DCAF1: variants seen among roughly 807,000 people sequenced by gnomAD.
DCAF1 encodes the protein DDB1 and CUL4 associated factor 1.
A neutral mutation model predicts 128.0 loss-of-function variants in DCAF1; 15 were observed. The ratio of observed to expected loss-of-function variants is 0.12; its 90% CI spans 0.08 to 0.18. The LOEUF (loss-of-function observed/expected upper bound fraction) is 0.18. Among genes scored for constraint, DCAF1 ranks in the 10% least tolerant of loss-of-function variants. The probability of loss-of-function intolerance (pLI) is 1.00; values close to 1 mark genes in which losing one functional copy is unlikely to be tolerated. For synonymous variants in DCAF1, 610 were observed against 603.0 expected (o/e 1.01, Z -0.17); for missense variants, 988 against 1,649.5 (o/e 0.60, Z 6.95).
At chr3:51,496,383 C>T (rs1223410861) in intron 2 of DCAF1, among the ~76,000 whole-genome samples, 1 of 152,046 alleles carries the variant, frequency 6.6e-6, no homozygotes, top group Non-Finnish European at 1.5e-5. Context: ...GCCGAGATCG[C>T]GCCACTGCAC....
intron 9 of DCAF1, among the ~76,000 whole-genome samples, chr3:51,435,188 G>A (rs955162189): frequency 2.6e-4 from 40 of 152,228 alleles, no homozygotes; most frequent in African/African-American, 8.7e-4. Context: ...TAAACTGTGT[G>A]ACACCCATTA....
intron 2 of DCAF1, 132 bp from the exon 3 acceptor site, chr3:51,483,968 CTTTGGATTTA>C: frequency 3.1e-6 from 2 of 644,182 alleles, no homozygotes. Flanking sequence ...CCCTTGAACC[CTTTGGATTTA>C]TTTGTGGTAC....
chr3:51,503,704 A>C (rs571048440), upstream of DCAF1, among the ~76,000 whole-genome samples: 1 of 151,642 alleles, frequency 6.6e-6, no homozygotes, highest in African/African-American at 2.4e-5. Flanking sequence ...TGGGTACCCT[A>C]CTCCTGCCTG....
chr3:51,398,942 T>G (rs1001342067), intron 24 of DCAF1, 115 bp from the exon 25 acceptor site: 5 of 1,329,506 alleles, frequency 3.8e-6, no homozygotes, highest in Non-Finnish European at 5.2e-6. Flanking sequence ...ACTACCAGTT[T>G]CCAGAAAGAA....
chr3:51,410,305 CT>C (rs782697247), intron 23 of DCAF1, among the ~76,000 whole-genome samples: 24 of 152,188 alleles, frequency 1.6e-4, no homozygotes, highest in Non-Finnish European at 2.8e-4. Flanking sequence ...AAAATGCATG[CT>C]TAGACAGTCA....
At chr3:51,449,927 T>A (rs571086619) in intron 6 of DCAF1, among the ~76,000 whole-genome samples, 1 of 152,118 alleles carries the variant, frequency 6.6e-6, no homozygotes, top group South Asian at 2.1e-4. Context: ...AACTGACTCA[T>A]AAAGAAACAG....
intron 23 of DCAF1, among the ~76,000 whole-genome samples, chr3:51,409,538 T>G (rs1482930805): frequency 8.5e-5 from 13 of 152,184 alleles, no homozygotes; most frequent in Admixed American, 8.5e-4. Flanking sequence ...CAATCCAGTT[T>G]TGGCCTCAGA....
At chr3:51,395,923 G>A, downstream of DCAF1, 1 of 413,494 alleles carries the variant, frequency 2.4e-6, no homozygotes, top group Non-Finnish European at 4.4e-6. Flanking sequence ...TTGAGCTGTG[G>A]TCACAGCTGC....
chr3:51,457,519 T>C (rs1553643194), intron 6 of DCAF1, among the ~76,000 whole-genome samples: 1 of 152,084 alleles, frequency 6.6e-6, no homozygotes, highest in Non-Finnish European at 1.5e-5. Flanking sequence ...ACTTCCCCAA[T>C]CTAGCAAGGC....
At chr3:51,413,215 TGAAG>T in intron 21 of DCAF1, 63 bp downstream of exon 21, 1 of 1,558,072 alleles carries the variant, frequency 6.4e-7, no homozygotes, top group Non-Finnish European at 8.7e-7. Context: ...CTCCAGAAAA[TGAAG>T]GATCTTAAAT....
chr3:51,420,291 A>C lies in DCAF1; in HGVS notation c.2679T>G (p.Ala893=). The C allele has an allele frequency of 6.2e-7, 1 of 1,614,054 alleles. No homozygotes were observed. Among genetic ancestry groups the C allele is most frequent in the South Asian group, 1.1e-5 (1 of 91,086 alleles). Reference sequence around the variant, plus strand: ...TTCGGGGTAGAGAGACAGGAGAAGCAGCAGCAGTGACTGGGGTAAAGGCAG... The same window carrying C: ...TTCGGGGTAGAGAGACAGGAGAAGCCGCAGCAGTGACTGGGGTAAAGGCAG... ...HSSAFTPVTA[A]ASPVSLPRTP... Residue 893 remains alanine, a synonymous_variant, in exon 15 of 25, where the codon GCT becomes GCG. Coordinates refer to ENST00000684031, the MANE Select transcript of DCAF1 (RefSeq NM_001387579.1). This position sits in a 1 kb window ranked among gnomAD's most constrained non-coding sequence, Gnocchi z 6.5.
intron 23 of DCAF1, among the ~76,000 whole-genome samples, chr3:51,411,074 T>C (rs1202982957): frequency 1.3e-5 from 2 of 151,326 alleles, no homozygotes; most frequent in African/African-American, 2.4e-5. Context: ...GGCAGGAGAA[T>C]TGCTTGAACC....
Position 51,416,866 on chromosome 3 carries a change from G to A in DCAF1, c.3524C>T (p.Ser1175Phe). 6.2e-7 allele frequency: 1 copy of A among 1,607,130 alleles called. No individual in the cohort carries two copies. Among genetic ancestry groups the A allele is most frequent in the Non-Finnish European group, 8.5e-7 (1 of 1,176,570 alleles). ...CTCAACATAGTGATCTTCTGTGAAG[G>A]AATGCCTATGGACAAACAACAGGAG... The part of the protein sequence containing the change: ...GMKSVFDMKH[S>F]FTEDHYVEFS... The change falls in exon 18 of 25, where the codon TCC (serine) becomes TTC (phenylalanine). Residue 1175 changes from serine (S) to phenylalanine (F), a missense_variant. Ser to Phe is a radical substitution (Grantham distance 155, BLOSUM62 -2). Transcript: ENST00000684031.
chr3:51,458,442 T>C (rs1372314889), intron 6 of DCAF1, among the ~76,000 whole-genome samples: 5 of 152,118 alleles, frequency 3.3e-5, no homozygotes, highest in African/African-American at 7.2e-5. Context: ...CAAAGAGACT[T>C]AGACTCCCAC....
chr3:51,463,541 G>T (rs1390410165), intron 5 of DCAF1, among the ~76,000 whole-genome samples: 1 of 152,122 alleles, frequency 6.6e-6, no homozygotes, highest in Non-Finnish European at 1.5e-5. Flanking sequence ...CCAGCACTTT[G>T]GGAAGCCAAG....
intron 5 of DCAF1, 49 bp downstream of exon 5, chr3:51,466,754 C>G: frequency 6.4e-7 from 1 of 1,565,806 alleles, no homozygotes; most frequent in South Asian, 1.1e-5. Context: ...AATAAAGATA[C>G]AGCATCTACA....
At chr3:51,435,741 T>C (rs1700765993) in intron 9 of DCAF1, among the ~76,000 whole-genome samples, 1 of 151,654 alleles carries the variant, frequency 6.6e-6, no homozygotes, top group Non-Finnish European at 1.5e-5. Flanking sequence ...TAGGTTTATA[T>C]GTCTGTCTTT....
At chr3:51,451,554 A>G (rs1702353512) in intron 6 of DCAF1, among the ~76,000 whole-genome samples, 1 of 152,186 alleles carries the variant, frequency 6.6e-6, no homozygotes, top group Admixed American at 6.6e-5. Flanking sequence ...TGAGGTTAAC[A>G]GTTTGAGACC....
chr3:51,414,104 G>A (rs1698670046), intron 19 of DCAF1, 61 bp from the exon 20 acceptor site: 4 of 1,485,746 alleles, frequency 2.7e-6, no homozygotes, highest in Non-Finnish European at 2.7e-6. Context: ...CTCATGGGAG[G>A]AAATTCTAAA....
Sources: allele counts gnomAD v4.1 joint callset (sites outside exome capture counted in the v4.1 genomes callset), GRCh38; gene constraint gnomAD v4.1.1; non-coding constraint Gnocchi (gnomAD v3.1); transcripts MANE v1.5; gene names NCBI Gene and HGNC (gene_info 2026-07-23, HGNC 2026-07-21).